DRC11: variants seen among roughly 807,000 people sequenced by gnomAD.
DRC11 encodes IQ and AAA domain-containing protein 1.
chr2:236,447,279 C>T, the DRC11 span, among the ~76,000 whole-genome samples: 6 of 151,730 alleles, frequency 4.0e-5, no homozygotes, highest in East Asian at 9.7e-4. This position sits in a 1 kb window ranked among gnomAD's most constrained non-coding sequence, Gnocchi z 4.6. Flanking sequence ...AAGGAACTGG[C>T]AGAGACGCGG....
the DRC11 span, among the ~76,000 whole-genome samples, chr2:236,309,387 G>T: frequency 1.6e-4 from 24 of 152,148 alleles, no homozygotes; most frequent in Admixed American, 7.9e-4. This position sits in a 1 kb window ranked among gnomAD's most constrained non-coding sequence, Gnocchi z 5.7. Flanking sequence ...ATCCCGAGAG[G>T]TTCCAGGGTC....
At chr2:236,408,348 G>T in the DRC11 span, 17 of 765,578 alleles carry the variant, frequency 2.2e-5, no homozygotes, top group African/African-American at 3.4e-5. The surrounding 1 kb of genome is among the most constrained non-coding windows in gnomAD (Gnocchi z 5.5). Flanking sequence ...AGTGGGTCTT[G>T]CAGGGTAGCT....
the DRC11 span, among the ~76,000 whole-genome samples, chr2:236,416,735 A>ATATATATATATTTT: frequency 7.1e-4 from 35 of 49,234 alleles, no homozygotes; most frequent in Non-Finnish European, 1.1e-3. Flanking sequence ...ATATATATAT[A>ATATATATATATTTT]TATATATATA....
the DRC11 span, chr2:236,399,495 A>G: frequency 1.2e-6 from 2 of 1,613,130 alleles, no homozygotes; most frequent in Non-Finnish European, 1.7e-6. This position sits in a 1 kb window ranked among gnomAD's most constrained non-coding sequence, Gnocchi z 7.0. Context: ...CTTCCTGTTC[A>G]AAGCAGAATA....
At chr2:236,319,346 C>T in the DRC11 span, among the ~76,000 whole-genome samples, 152 of 152,340 alleles carry the variant, frequency 1.0e-3, no homozygotes, top group Middle Eastern at 6.8e-3. The surrounding 1 kb of genome is among the most constrained non-coding windows in gnomAD (Gnocchi z 6.7). Context: ...CCAGGGAGAA[C>T]GCTGTGTGCT....
chr2:236,497,470 C>T, the DRC11 span: 2,529 of 1,608,712 alleles, frequency 1.6e-3, 2 homozygotes, highest in Non-Finnish European at 2.0e-3. This position sits in a 1 kb window ranked among gnomAD's most constrained non-coding sequence, Gnocchi z 5.1. Flanking sequence ...GGTCTGATGC[C>T]ACATCTTATT....
chr2:236,338,764 G>T, the DRC11 span, among the ~76,000 whole-genome samples: 2 of 152,200 alleles, frequency 1.3e-5, no homozygotes, highest in Non-Finnish European at 2.9e-5. Flanking sequence ...GACTTCCTTT[G>T]CTGATTGCTG....
chr2:236,491,675 G>C, the DRC11 span, among the ~76,000 whole-genome samples: 1 of 152,142 alleles, frequency 6.6e-6, no homozygotes, highest in Non-Finnish European at 1.5e-5. Context: ...GCTTCGCTCT[G>C]ACTGATGCAT....
chr2:236,390,434 AT>A, the DRC11 span, among the ~76,000 whole-genome samples: 20 of 152,124 alleles, frequency 1.3e-4, no homozygotes, highest in Admixed American at 6.5e-5. The surrounding 1 kb of genome is among the most constrained non-coding windows in gnomAD (Gnocchi z 5.9). Flanking sequence ...GTATCTTTTG[AT>A]TGGTGAGTTT....
At chr2:236,411,469 AT>A in the DRC11 span, among the ~76,000 whole-genome samples, 1 of 152,046 alleles carries the variant, frequency 6.6e-6, no homozygotes, top group Non-Finnish European at 1.5e-5. Flanking sequence ...TAGTTCAACC[AT>A]TGTGGAAGTC....
At chr2:236,435,279 A>G in the DRC11 span, among the ~76,000 whole-genome samples, 4 of 152,254 alleles carry the variant, frequency 2.6e-5, no homozygotes, top group Non-Finnish European at 5.9e-5. Context: ...TGTCAATGCA[A>G]TAAACAAGGC....
chr2:236,464,055 G>A, the DRC11 span, among the ~76,000 whole-genome samples: 1 of 152,208 alleles, frequency 6.6e-6, no homozygotes, highest in African/African-American at 2.4e-5. Context: ...CACAATGGTC[G>A]CTGACTCTGA....
At chr2:236,475,936 GT>G in the DRC11 span, among the ~76,000 whole-genome samples, 1 of 152,106 alleles carries the variant, frequency 6.6e-6, no homozygotes. The surrounding 1 kb of genome is among the most constrained non-coding windows in gnomAD (Gnocchi z 4.8). Flanking sequence ...CTGTGTGTCT[GT>G]TTTCAGGCCA....
the DRC11 span, among the ~76,000 whole-genome samples, chr2:236,396,935 T>C: frequency 6.6e-6 from 1 of 152,154 alleles, no homozygotes; most frequent in Non-Finnish European, 1.5e-5. Context: ...ACCCAAGTGG[T>C]AAGTACAGCG....
At chr2:236,404,161 TAAAA>T in the DRC11 span, among the ~76,000 whole-genome samples, 1 of 91,558 alleles carries the variant, frequency 1.1e-5, no homozygotes, top group Non-Finnish European at 2.3e-5. Context: ...AATGGAGAGT[TAAAA>T]AAAAAAAAAA....
the DRC11 span, among the ~76,000 whole-genome samples, chr2:236,316,868 T>G: frequency 2.6e-5 from 4 of 152,196 alleles, no homozygotes; most frequent in Admixed American, 6.5e-5. This position sits in a 1 kb window ranked among gnomAD's most constrained non-coding sequence, Gnocchi z 6.8. Context: ...TGCGACCACA[T>G]GTGATGATGC....
At chr2:236,366,910 A>C in the DRC11 span, among the ~76,000 whole-genome samples, 4 of 150,636 alleles carry the variant, frequency 2.7e-5, no homozygotes, top group Non-Finnish European at 1.5e-5. Flanking sequence ...CCCGGGTTCC[A>C]GCAATTTTCC....
the DRC11 span, among the ~76,000 whole-genome samples, chr2:236,357,617 A>G: frequency 8.2e-6 from 1 of 121,902 alleles, no homozygotes; most frequent in Non-Finnish European, 1.6e-5. Flanking sequence ...ATATTTATAA[A>G]TATATAAATA....
chr2:236,355,039 G>A, the DRC11 span, among the ~76,000 whole-genome samples: 3 of 152,162 alleles, frequency 2.0e-5, no homozygotes, highest in Non-Finnish European at 4.4e-5. Flanking sequence ...TCTGAATTCC[G>A]AGAAGTTTCC....
Sources: allele counts gnomAD v4.1 joint callset (sites outside exome capture counted in the v4.1 genomes callset), GRCh38; gene constraint gnomAD v4.1.1; non-coding constraint Gnocchi (gnomAD v3.1); transcripts MANE v1.5; gene names NCBI Gene and HGNC (gene_info 2026-07-23, HGNC 2026-07-21).